The following XPOT variants were observed in gnomAD, a reference collection of about 807,000 sequenced individuals.
XPOT encodes the protein exportin for tRNA, also known as exportin-T.
Under a neutral mutation model 128.2 loss-of-function variants are expected in XPOT, and 34 were observed. The ratio of observed to expected loss-of-function variants is 0.27; its 90% CI spans 0.20 to 0.35. The LOEUF is 0.35. Among genes scored for constraint, XPOT ranks in the 10% least tolerant of loss-of-function variants. The probability of loss-of-function intolerance (pLI) is 1.00; values close to 1 mark genes in which losing one functional copy is unlikely to be tolerated. For missense variants in XPOT, 838 were observed against 1,125.3 expected, an observed-to-expected ratio of 0.74 and a Z score of 3.65; for synonymous variants, 348 against 394.3, an observed-to-expected ratio of 0.88 and a Z score of 1.39.
At position 64,414,921 on chromosome 12, in the gene XPOT, T is replaced by G. The variant is rs2040073967; in HGVS notation, c.75T>G (p.Phe25Leu). The change falls in exon 3 of 25, where the codon TTT (phenylalanine) becomes TTG (leucine). Residue 25 changes from phenylalanine (F) to leucine (L), a missense_variant. This residue lies in a region of XPOT where 761 missense variants were observed against 988.3 expected (regional missense o/e 0.77). Coordinates refer to ENST00000332707, the MANE Select transcript of XPOT (RefSeq NM_007235.6). ...SDFRQRALAYFEQLKISPDAW... is the reference protein window; with the variant it reads ...SDFRQRALAYLEQLKISPDAW... ...CAATCTTATAGGCCCTGGCCTATTTTGAGCAGTTAAAAATTTCCCCAGATG... is the reference window on the plus strand; with the variant it reads ...CAATCTTATAGGCCCTGGCCTATTTGGAGCAGTTAAAAATTTCCCCAGATG... The G allele has an allele frequency of 1.1e-5, 17 of 1,613,028 alleles. No individual in the cohort carries two copies. The highest frequency in any genetic ancestry group is 1.4e-5 in the Non-Finnish European group (17 of 1,179,172).
At chr12:64,437,473 G>A (rs762619557) in intron 22 of XPOT, among the ~76,000 whole-genome samples, 1 of 152,152 alleles carries the variant, frequency 6.6e-6, no homozygotes, top group Non-Finnish European at 1.5e-5. Flanking sequence ...TTAAGTAGGT[G>A]TACAAAGACA....
chr12:64,433,285 A>G (rs868259245), intron 18 of XPOT, 129 bp from the exon 19 acceptor site: 5 of 865,340 alleles, frequency 5.8e-6, no homozygotes, highest in Middle Eastern at 7.6e-4. Flanking sequence ...CTTAAAATTG[A>G]TATTTGCTAA....
chr12:64,428,087 T>A lies in XPOT; in HGVS notation c.1704T>A (p.Asn568Lys). Residue 568 changes from asparagine (N) to lysine (K), a missense_variant, in exon 16 of 25, where the codon AAT (asparagine) becomes AAA (lysine). Transcript: ENST00000332707. ...QMNPFIEDIL[N>K]RIQDLLELSP... Reference sequence around the variant, plus strand: ...ATCCTTTCATTGAGGATATTTTGAATAGAATACAAGATTTATTAGAGCTTT... The same window carrying A: ...ATCCTTTCATTGAGGATATTTTGAAAAGAATACAAGATTTATTAGAGCTTT... 6.3e-7 allele frequency: 1 copy of A among 1,577,164 alleles called. No homozygotes were observed. Among genetic ancestry groups the A allele is most frequent in the South Asian group, 1.1e-5 (1 of 90,016 alleles).
intron 15 of XPOT, 21 bp downstream of exon 15, chr12:64,425,930 A>G (rs1326148425): frequency 1.3e-6 from 2 of 1,597,782 alleles, no homozygotes; most frequent in African/African-American, 1.3e-5. Context: ...AATTGCAGCT[A>G]TTATGTTTAG....
At chr12:64,422,913 A>C in intron 9 of XPOT, 92 bp from the exon 10 acceptor site, 8 of 1,371,408 alleles carry the variant, frequency 5.8e-6, no homozygotes, top group Middle Eastern at 2.6e-4. Flanking sequence ...AAAAAAAAAA[A>C]AAAAAACCAG....
Position 64,410,027 on chromosome 12 carries a change from A to G in XPOT, c.-9A>G, listed in dbSNP as rs759216630. On this transcript the variant is annotated 5_prime_UTR_variant, in exon 2 of 25. An upstream open reading frame in the 5' UTR loses its in-frame stop. Coordinates refer to ENST00000332707, the MANE Select transcript of XPOT (RefSeq NM_007235.6). ...TTACAACCAGAAAACTACAAGTATA[A>G]CAGCGAGGATGGATGAACAGGCTCT... 2.6e-5 allele frequency: 42 copies of G among 1,613,470 alleles called. No homozygotes were observed. The highest frequency in any genetic ancestry group is 3.3e-5 in the Non-Finnish European group (39 of 1,179,790).
chr12:64,426,284 G>T (rs1426691725), intron 15 of XPOT, among the ~76,000 whole-genome samples: 1 of 128,348 alleles, frequency 7.8e-6, no homozygotes, highest in Non-Finnish European at 1.6e-5. Flanking sequence ...GGGTGACAGC[G>T]TGAGACTCAG....
At chr12:64,425,740 A>G in intron 14 of XPOT, 75 bp from the exon 15 acceptor site, 1 of 1,458,704 alleles carries the variant, frequency 6.9e-7, no homozygotes, top group Non-Finnish European at 9.6e-7. Context: ...TTTGGTGTGA[A>G]CAAAAATGTA....
chr12:64,404,679 G>C lies in XPOT; in HGVS notation c.-200G>C, dbSNP rs1283777289. On this transcript the variant is annotated 5_prime_UTR_variant, in exon 1 of 25. Coordinates refer to ENST00000332707, the MANE Select transcript of XPOT (RefSeq NM_007235.6). ...CGTCTCTGGCGTTGTAGCTGCGGCC[G>C]TGGCGGAGGACTACGGCGACAAGGA... The C allele has an allele frequency of 6.6e-6, 1 of 152,410 alleles. No homozygotes were observed. Among genetic ancestry groups the C allele is most frequent in the Non-Finnish European group, 1.5e-5 (1 of 68,218 alleles). 9.4% of individuals were successfully genotyped at this position (152,410 alleles called of 1,614,324 possible).
chr12:64,438,493 C>T (rs1225378505), intron 22 of XPOT, among the ~76,000 whole-genome samples: 2 of 152,142 alleles, frequency 1.3e-5, no homozygotes, highest in Non-Finnish European at 2.9e-5. Flanking sequence ...CAGGTTTCCT[C>T]TGATGGGTCA....
In XPOT at chr12:64,448,202, T is replaced by C; in HGVS notation, c.*71T>C. ...AATTTATAAAGAGGCGATTTTTGTGTGCCATTCACACTGGTCTTTTTCACA... is the reference window on the plus strand; with the variant it reads ...AATTTATAAAGAGGCGATTTTTGTGCGCCATTCACACTGGTCTTTTTCACA... On this transcript the variant is annotated 3_prime_UTR_variant, in exon 25 of 25. Coordinates refer to ENST00000332707, the MANE Select transcript of XPOT (RefSeq NM_007235.6). 1 of 1,448,088 alleles carries C rather than the reference T, an allele frequency of 6.9e-7. No individual in the cohort carries two copies. The highest frequency in any genetic ancestry group is 2.3e-5 in the East Asian group (1 of 44,046). 89.7% of individuals were successfully genotyped at this position (1,448,088 alleles called of 1,614,324 possible). A position where few individuals can be genotyped will look rare whatever the true frequency, so the allele number is the denominator to read the frequency against.
intron 15 of XPOT, among the ~76,000 whole-genome samples, chr12:64,426,650 C>T (rs2040195168): frequency 6.6e-6 from 1 of 152,112 alleles, no homozygotes; most frequent in South Asian, 2.1e-4. Context: ...CCGTGATATA[C>T]CCGTGTAACA....
At chr12:64,408,918 G>A (rs767751721) in intron 1 of XPOT, among the ~76,000 whole-genome samples, 1 of 152,012 alleles carries the variant, frequency 6.6e-6, no homozygotes, top group Non-Finnish European at 1.5e-5. Flanking sequence ...AGTGATCTGC[G>A]CACCTCAGCC....
chr12:64,443,323 T>C (rs1487478967), intron 23 of XPOT: 3 of 152,194 alleles, frequency 2.0e-5, no homozygotes, highest in Non-Finnish European at 4.4e-5. Flanking sequence ...TCATAGGTGG[T>C]GGCAGTCAAA....
At chr12:64,421,916 G>A (rs912063942) in intron 9 of XPOT, among the ~76,000 whole-genome samples, 1 of 152,162 alleles carries the variant, frequency 6.6e-6, no homozygotes, top group East Asian at 1.9e-4. Flanking sequence ...AGGTTCAAGC[G>A]ATTTTCCTGC....
At chr12:64,440,965 T>C (rs1421751391) in intron 23 of XPOT, among the ~76,000 whole-genome samples, 1 of 152,200 alleles carries the variant, frequency 6.6e-6, no homozygotes, top group Admixed American at 6.5e-5. Flanking sequence ...CTTAATTCAA[T>C]GTAGCCCCAC....
At chr12:64,425,561 C>T (rs776242063) in intron 14 of XPOT, 104 bp downstream of exon 14, 191 of 1,418,688 alleles carry the variant, frequency 1.3e-4, no homozygotes, top group Non-Finnish European at 3.0e-5. Context: ...ATCAAAACCT[C>T]TCAGAAGTGC....
intron 22 of XPOT, among the ~76,000 whole-genome samples, chr12:64,436,654 C>T (rs1382726499): frequency 6.6e-6 from 1 of 152,006 alleles, no homozygotes; most frequent in Middle Eastern, 3.2e-3. Context: ...GATCTCAGCT[C>T]ATTGCAGACC....
rs2040187341 is a variant in XPOT at position 64,425,802 on chromosome 12, T to C, written c.1573-13T>C. 1.9e-6 allele frequency: 3 copies of C among 1,611,648 alleles called. No individual in the cohort carries two copies. The highest frequency in any genetic ancestry group is 2.5e-6 in the Non-Finnish European group (3 of 1,178,412). ...AAAAAATGCAGAAATAGTAAAAGTG[T>C]CTCCTTCTTTAGATGGCTTTCTTAG... is the stretch of plus-strand genomic sequence containing the variant. On this transcript the variant is annotated splice_polypyrimidine_tract_variant and intron_variant, in intron 14 of 24. Transcript: ENST00000332707.
Sources: allele counts gnomAD v4.1 joint callset (sites outside exome capture counted in the v4.1 genomes callset), GRCh38; gene constraint gnomAD v4.1.1; regional missense constraint gnomAD v4.1.1; transcripts MANE v1.5; gene names NCBI Gene and HGNC (gene_info 2026-07-23, HGNC 2026-07-21).